The following CAPN14 variants were observed in gnomAD, a reference collection of about 807,000 sequenced individuals.
The protein encoded by CAPN14 is calpain 14, also known as calpain-14.
CAPN14 carries 94 observed loss-of-function variants against 101.3 expected under a neutral mutation model. The observed-to-expected ratio is 0.93, with a 90% CI of 0.79 to 1.10. The LOEUF is 1.10. Among genes scored for constraint, CAPN14 ranks in the 50% least tolerant of loss-of-function variants. CAPN14 has a pLI of 0.00. For synonymous variants in CAPN14, 338 were observed against 317.9 expected, an observed-to-expected ratio of 1.06 and a Z score of -0.67; for missense variants, 837 against 828.4, an observed-to-expected ratio of 1.01 and a Z score of -0.13.
intron 1 of CAPN14, among the ~76,000 whole-genome samples, chr2:31,215,652 C>T (rs1383905637): frequency 6.6e-6 from 1 of 152,048 alleles, no homozygotes; most frequent in Non-Finnish European, 1.5e-5. Flanking sequence ...GCTTTCCTGC[C>T]CTTCACTCAC....
chr2:31,200,842 G>T (rs1030575460), intron 5 of CAPN14, among the ~76,000 whole-genome samples: 4 of 152,094 alleles, frequency 2.6e-5, no homozygotes, highest in African/African-American at 9.7e-5. Context: ...CTGCCTAGAA[G>T]ACTGGGAACC....
chr2:31,199,868 G>T (rs17010999), intron 6 of CAPN14, among the ~76,000 whole-genome samples: 29,161 of 152,136 alleles, frequency 0.19, 3,153 homozygotes, highest in East Asian at 0.36. Context: ...ATTGTTTCAA[G>T]TGTTATCAAA....
At chr2:31,190,806 C>T (rs1196044188) in intron 12 of CAPN14, among the ~76,000 whole-genome samples, 1 of 152,146 alleles carries the variant, frequency 6.6e-6, no homozygotes, top group East Asian at 1.9e-4. Context: ...AAGCATTTTA[C>T]TCCTGTTTTC....
chr2:31,197,716 G>A (rs967059796), intron 7 of CAPN14, among the ~76,000 whole-genome samples: 5 of 152,198 alleles, frequency 3.3e-5, no homozygotes, highest in African/African-American at 1.2e-4. Context: ...TTATGGATCA[G>A]GGTGGGCCCT....
intron 12 of CAPN14, among the ~76,000 whole-genome samples, chr2:31,190,282 T>G (rs530696374): frequency 1.0e-3 from 153 of 152,240 alleles, no homozygotes; most frequent in Middle Eastern, 3.4e-3. Flanking sequence ...TCTCTCCAGT[T>G]TATACACAAC....
At chr2:31,180,909 C>G in intron 17 of CAPN14, 27 bp downstream of exon 17, 1 of 1,544,352 alleles carries the variant, frequency 6.5e-7, no homozygotes, top group African/African-American at 1.4e-5. Context: ...CAACAGCAAG[C>G]ATCCACCCAC....
chr2:31,193,279 G>A lies in CAPN14; in HGVS notation c.966C>T (p.Asp322=). The A allele has an allele frequency of 1.3e-6, 2 of 1,551,740 alleles. No homozygotes were observed. The highest frequency in any genetic ancestry group is 4.9e-5 in the East Asian group (2 of 40,918). Residue 322 remains aspartate, a synonymous_variant, in exon 10 of 22, where the codon GAC becomes GAT. Coordinates refer to ENST00000403897, the MANE Select transcript of CAPN14 (RefSeq NM_001145122.2). ...CCAGGAGCACGAAATGTGTTTTAAA[G>A]TCCTGCAGCGTCATCCTGTGGAGAG... ...NDGEFWMTLQ[D]FKTHFVLLVI...
chr2:31,200,916 C>T (rs1449583996), intron 5 of CAPN14, among the ~76,000 whole-genome samples: 1 of 152,134 alleles, frequency 6.6e-6, no homozygotes, highest in East Asian at 1.9e-4. Context: ...TTAGTGACTG[C>T]CTGTCACTCA....
At chr2:31,214,536 G>T (rs1180525607) in intron 1 of CAPN14, among the ~76,000 whole-genome samples, 3 of 152,148 alleles carry the variant, frequency 2.0e-5, no homozygotes, top group African/African-American at 7.2e-5. Context: ...ATGCACCTTG[G>T]GAGAAGGTGG....
chr2:31,217,563 A>G (rs987583523), upstream of CAPN14: 2 of 152,208 alleles, frequency 1.3e-5, no homozygotes, highest in African/African-American at 2.4e-5. Flanking sequence ...CTTTCTACAC[A>G]TGGTGTTTAG....
upstream of CAPN14, among the ~76,000 whole-genome samples, chr2:31,218,688 C>T (rs187350256): frequency 9.1e-4 from 139 of 152,270 alleles, no homozygotes; most frequent in African/African-American, 3.1e-3. Context: ...AAAAAGAAAA[C>T]GGAGGCACAG....
chr2:31,188,072 A>G (rs1046676860), intron 14 of CAPN14, among the ~76,000 whole-genome samples: 1 of 152,254 alleles, frequency 6.6e-6, no homozygotes, highest in African/African-American at 2.4e-5. Context: ...GATGTAGCTC[A>G]TACTGCCGGG....
chr2:31,217,129 C>T (rs1682681255), intron 1 of CAPN14, among the ~76,000 whole-genome samples: 1 of 152,142 alleles, frequency 6.6e-6, no homozygotes, highest in Admixed American at 6.5e-5. Flanking sequence ...ATCAGTAACT[C>T]TACCAAATGA....
chr2:31,191,903 C>T (rs1681203143), intron 11 of CAPN14, 32 bp downstream of exon 11: 3 of 1,516,710 alleles, frequency 2.0e-6, no homozygotes, highest in Admixed American at 2.1e-5. Flanking sequence ...CACGCTTGGT[C>T]CCATGCCCCT....
chr2:31,185,439 C>G (rs772074871), intron 16 of CAPN14, among the ~76,000 whole-genome samples: 4 of 152,158 alleles, frequency 2.6e-5, no homozygotes, highest in African/African-American at 4.8e-5. Context: ...CCATCTAGAA[C>G]CCTCTCATAG....
chr2:31,226,541 T>C (rs565581798), exon 2 of CAPN14: 76 of 152,382 alleles, frequency 5.0e-4, no homozygotes, highest in African/African-American at 1.8e-3. Context: ...CCGGGAAAGA[T>C]GCTCAGGAAC....
intron 1 of CAPN14, among the ~76,000 whole-genome samples, chr2:31,208,175 CA>C (rs530786071): frequency 0.049 from 7,423 of 150,432 alleles, 183 homozygotes; most frequent in African/African-American, 0.057. Context: ...AAAAAAACTC[CA>C]AAAAAAAACT....
chr2:31,192,758 TA>T (rs1681256579), intron 10 of CAPN14, among the ~76,000 whole-genome samples: 1 of 152,200 alleles, frequency 6.6e-6, no homozygotes, highest in Non-Finnish European at 1.5e-5. Context: ...CCTGCCTAGT[TA>T]GGGGGTGGTT....
In CAPN14 at chr2:31,189,342, G is replaced by C. The variant is rs1199674459; in HGVS notation, c.1424C>G (p.Pro475Arg). The change falls in exon 13 of 22, where the codon CCC (proline) becomes CGC (arginine). Residue 475 changes from proline (P) to arginine (R), a missense_variant. By Grantham distance (103) the Pro-to-Arg change is moderately radical (BLOSUM62 -2). Coordinates refer to ENST00000403897, the MANE Select transcript of CAPN14 (RefSeq NM_001145122.2). ...CTTCTGGTGGGCCTCCAATATGCAG[G>C]GCACGATGAGGTACGTCCCTGGTTC... ...CLEPGTYLIVPCILEAHQKSE... is the reference protein window; with the variant it reads ...CLEPGTYLIVRCILEAHQKSE... 20 of 1,551,600 alleles carry C rather than the reference G, an allele frequency of 1.3e-5. No homozygotes were observed. Among genetic ancestry groups the C allele is most frequent in the Non-Finnish European group, 1.7e-5 (19 of 1,147,008 alleles).
Sources: gnomAD v4.1 joint callset for allele counts (sites outside exome capture counted in the v4.1 genomes callset) on GRCh38, gnomAD v4.1.1 for gene constraint, MANE v1.5 for transcripts, NCBI Gene and HGNC (gene_info 2026-07-23, HGNC 2026-07-21) for gene names.